The following MACROD2 variants were observed in gnomAD, a reference collection of about 807,000 sequenced individuals.
The protein encoded by MACROD2 is ADP-ribose glycohydrolase MACROD2.
A neutral mutation model predicts 70.4 loss-of-function variants in MACROD2; 36 were observed. That is an observed-to-expected ratio of 0.51 (90% CI 0.39 to 0.68). The LOEUF is 0.68. Ranked by LOEUF, MACROD2 falls within the 30% of genes least tolerant of loss-of-function variation. The pLI is 0.00. For missense variants in MACROD2, 496 were observed against 538.4 expected (o/e 0.92, Z 0.78); for synonymous variants, 172 against 178.8 (o/e 0.96, Z 0.30).
intron 5 of MACROD2, among the ~76,000 whole-genome samples, chr20:14,878,043 C>A (rs2073569479): frequency 6.6e-6 from 1 of 152,014 alleles, no homozygotes; most frequent in African/African-American, 2.4e-5. Flanking sequence ...GTTACACTGG[C>A]TCTTCTTTTG....
At chr20:15,970,123 G>A (rs2066207877) in intron 13 of MACROD2, among the ~76,000 whole-genome samples, 1 of 151,882 alleles carries the variant, frequency 6.6e-6, no homozygotes, top group Non-Finnish European at 1.5e-5. Context: ...TAAACCCAGG[G>A]GGAAAAGTAT....
chr20:16,044,662 A>AT, intron 17 of MACROD2, 23 bp downstream of exon 17: 1 of 1,592,362 alleles, frequency 6.3e-7, no homozygotes, highest in African/African-American at 1.3e-5. Context: ...TTGTGGTGAG[A>AT]TTTTCAATGA....
At chr20:15,557,326 C>T (rs1233741) in intron 8 of MACROD2, among the ~76,000 whole-genome samples, 27,873 of 152,104 alleles carry the variant, frequency 0.18, 4,988 homozygotes, top group African/African-American at 0.46. Flanking sequence ...ACTTTCTCTT[C>T]ATTCTTTGAT....
At chr20:14,118,983 CT>C (rs1489935021) in intron 3 of MACROD2, among the ~76,000 whole-genome samples, 2 of 150,088 alleles carry the variant, frequency 1.3e-5, no homozygotes, top group Non-Finnish European at 3.0e-5. Flanking sequence ...GTAGCTGGGA[CT>C]ACAGGCACCC....
At chr20:14,954,403 C>G (rs972925830) in intron 5 of MACROD2, among the ~76,000 whole-genome samples, 1 of 149,594 alleles carries the variant, frequency 6.7e-6, no homozygotes, top group East Asian at 1.9e-4. Context: ...CTGGGTGAAC[C>G]TGAACACGGT....
intron 3 of MACROD2, among the ~76,000 whole-genome samples, chr20:14,172,584 C>T (rs1321863335): frequency 1.3e-5 from 2 of 152,142 alleles, no homozygotes; most frequent in South Asian, 2.1e-4. Flanking sequence ...GGATTATAGG[C>T]ATGAGCCACT....
chr20:14,202,280 A>T (rs1323542360), intron 3 of MACROD2, among the ~76,000 whole-genome samples: 1 of 152,202 alleles, frequency 6.6e-6, no homozygotes, highest in African/African-American at 2.4e-5. Flanking sequence ...CTCATCTTTG[A>T]GGTTTGTTTA....
intron 8 of MACROD2, among the ~76,000 whole-genome samples, chr20:15,581,422 T>C (rs1175873731): frequency 1.3e-5 from 2 of 152,212 alleles, no homozygotes; most frequent in Non-Finnish European, 2.9e-5. Context: ...TCTTTGTGCC[T>C]CTGTGACCTC....
At chr20:14,652,430 C>G (rs895229738) in intron 4 of MACROD2, among the ~76,000 whole-genome samples, 8 of 152,110 alleles carry the variant, frequency 5.3e-5, no homozygotes, top group Non-Finnish European at 8.8e-5. Flanking sequence ...CACTAGAATT[C>G]CATTTTTTCT....
intron 3 of MACROD2, among the ~76,000 whole-genome samples, chr20:14,223,534 G>C (rs1169958791): frequency 4.2e-5 from 6 of 141,674 alleles, no homozygotes; most frequent in Middle Eastern, 3.8e-3. Flanking sequence ...TTGAGACGGA[G>C]TCTCACCCTG....
chr20:15,722,102 T>G lies in MACROD2; in HGVS notation c.646-140643T>G, dbSNP rs545267881. Among the ~76,000 whole-genome samples, 8 of 152,308 alleles carry G rather than the reference T, an allele frequency of 5.3e-5. No homozygotes were observed. In the East Asian group the frequency reaches 5.8e-4, roughly 11 times the overall value. On this transcript the variant is annotated intron_variant, in intron 8 of 17. Coordinates refer to ENST00000684519, the MANE Select transcript of MACROD2 (RefSeq NM_001351661.2). ...TCTTTAATACTCTATGGTATTCCAT[T>G]GAATGAATTTGCCATAATTTATATA...
intron 5 of MACROD2, chr20:15,196,920 A>C (rs1336113156): frequency 2.0e-6 from 2 of 985,320 alleles, no homozygotes; most frequent in Non-Finnish European, 2.4e-6. Flanking sequence ...CATTTTGGAA[A>C]GACTACATAA....
chr20:15,715,707 T>C (rs1004524156), intron 8 of MACROD2, among the ~76,000 whole-genome samples: 3 of 152,196 alleles, frequency 2.0e-5, no homozygotes, highest in Admixed American at 2.0e-4. Context: ...ACTCTGCTAA[T>C]TTTACATACT....
At chr20:16,033,863 G>GGGC (rs1460985107) in intron 15 of MACROD2, among the ~76,000 whole-genome samples, 145 of 151,006 alleles carry the variant, frequency 9.6e-4, no homozygotes, top group Non-Finnish European at 1.3e-3. Flanking sequence ...GGGGTGGGGT[G>GGGC]GGGGAGAAAG....
chr20:14,935,823 T>C (rs549792241), intron 5 of MACROD2, among the ~76,000 whole-genome samples: 1 of 152,356 alleles, frequency 6.6e-6, no homozygotes, highest in African/African-American at 2.4e-5. Flanking sequence ...TTACAAATGA[T>C]TGTTTGACTT....
intron 8 of MACROD2, among the ~76,000 whole-genome samples, chr20:15,533,308 A>G (rs1005312966): frequency 1.3e-5 from 2 of 152,176 alleles, no homozygotes; most frequent in African/African-American, 4.8e-5. Flanking sequence ...TTTTTAAGAG[A>G]ATTGCAGAAG....
At chr20:14,657,833 T>A (rs1316762233) in intron 4 of MACROD2, among the ~76,000 whole-genome samples, 4 of 152,194 alleles carry the variant, frequency 2.6e-5, no homozygotes, top group Non-Finnish European at 5.9e-5. Context: ...TGCCAATAAG[T>A]AAAGCCATTG....
At chr20:14,325,950 T>C in intron 3 of MACROD2, 1 of 1,613,944 alleles carries the variant, frequency 6.2e-7, no homozygotes, top group Non-Finnish European at 8.5e-7. Context: ...TGTAAGGTTC[T>C]TTCTCTTGCT....
At chr20:14,050,900 A>C (rs2053557797) in intron 2 of MACROD2, among the ~76,000 whole-genome samples, 1 of 152,210 alleles carries the variant, frequency 6.6e-6, no homozygotes, top group African/African-American at 2.4e-5. Flanking sequence ...ACAAGTGTTT[A>C]AGTGACATGG....
Sources: gnomAD v4.1 joint callset for allele counts (sites outside exome capture counted in the v4.1 genomes callset) on GRCh38, gnomAD v4.1.1 for gene constraint, MANE v1.5 for transcripts, NCBI Gene and HGNC (gene_info 2026-07-23, HGNC 2026-07-21) for gene names.